The following TRHDE variants were observed in gnomAD, a reference collection of about 807,000 sequenced individuals.
The protein encoded by TRHDE is thyrotropin releasing hormone degrading enzyme, also known as thyrotropin-releasing hormone-degrading ectoenzyme.
A neutral mutation model predicts 125.7 loss-of-function variants in TRHDE; 72 were observed. That is an observed-to-expected ratio of 0.57 (90% CI 0.47 to 0.70). The LOEUF is 0.70. Ranked by LOEUF, TRHDE falls within the 30% of genes least tolerant of loss-of-function variation. The pLI is 0.00. For missense variants in TRHDE, 1,110 were observed against 1,327.1 expected, an observed-to-expected ratio of 0.84 and a Z score of 2.54; for synonymous variants, 509 against 509.1, an observed-to-expected ratio of 1.00 and a Z score of 0.00.
intron 6 of TRHDE, among the ~76,000 whole-genome samples, chr12:72,505,553 A>G (rs927650154): frequency 2.6e-5 from 4 of 152,190 alleles, no homozygotes; most frequent in African/African-American, 9.7e-5. Flanking sequence ...AATAACTTCA[A>G]TTTTAAAGGG....
In TRHDE at chr12:72,372,395, T is replaced by G. The variant is rs1242085426; in HGVS notation, c.1189-5600T>G. On this transcript the variant is annotated intron_variant, in intron 2 of 18. Coordinates refer to ENST00000261180, the MANE Select transcript of TRHDE (RefSeq NM_013381.3). ...GTGTGCAGAAGCTCTTTAGTTTAAT[T>G]AGATCCCATTTGTCAATTTTGGCTT... Among the ~76,000 whole-genome samples, 14 of 152,296 alleles carry G rather than the reference T, an allele frequency of 9.2e-5. 1 individual carries two copies. In the East Asian group the frequency reaches 1.9e-3, roughly 21 times the overall value.
chr12:72,279,675 G>A (rs908972900), intron 1 of TRHDE, among the ~76,000 whole-genome samples: 3 of 152,202 alleles, frequency 2.0e-5, no homozygotes, highest in African/African-American at 7.2e-5. Context: ...CAGTGTGAGG[G>A]TAGAATAAGA....
intron 1 of TRHDE, among the ~76,000 whole-genome samples, chr12:72,103,145 T>C (rs1486638162): frequency 6.6e-6 from 1 of 152,198 alleles, no homozygotes; most frequent in Non-Finnish European, 1.5e-5. Context: ...AGACACAATT[T>C]GAACAATTAG....
At chr12:72,520,575 G>T (rs1170544122) in intron 6 of TRHDE, among the ~76,000 whole-genome samples, 1 of 152,180 alleles carries the variant, frequency 6.6e-6, no homozygotes. Context: ...CGGTACCTCA[G>T]ATGGAAATGC....
At chr12:72,208,690 A>T (rs1017208211) in intron 2 of TRHDE, among the ~76,000 whole-genome samples, 9 of 152,198 alleles carry the variant, frequency 5.9e-5, no homozygotes, top group Non-Finnish European at 1.3e-4. Context: ...TTAAATTAGT[A>T]AATATATGCA....
At chr12:72,425,711 A>C (rs1020294047) in intron 3 of TRHDE, among the ~76,000 whole-genome samples, 3 of 152,108 alleles carry the variant, frequency 2.0e-5, no homozygotes, top group Admixed American at 2.0e-4. Flanking sequence ...GAAAGAAGCA[A>C]CTTAAAAAAA....
intron 2 of TRHDE, among the ~76,000 whole-genome samples, chr12:72,324,814 T>C (rs1282772963): frequency 6.6e-6 from 1 of 152,180 alleles, no homozygotes; most frequent in Non-Finnish European, 1.5e-5. Flanking sequence ...GAAGGAGGCC[T>C]ATGACACCAT....
intron 5 of TRHDE, among the ~76,000 whole-genome samples, chr12:72,485,865 G>C (rs1877380701): frequency 6.6e-6 from 1 of 152,090 alleles, no homozygotes; most frequent in Admixed American, 6.5e-5. Context: ...TGTGGGGAGT[G>C]GTCATTGCTG....
intron 12 of TRHDE, among the ~76,000 whole-genome samples, chr12:72,610,325 T>C (rs1403501191): frequency 6.6e-6 from 1 of 152,224 alleles, no homozygotes; most frequent in African/African-American, 2.4e-5. Flanking sequence ...TTTATGTCAT[T>C]CATTTCACTC....
chr12:72,186,111 A>G (rs1179823311), intron 2 of TRHDE: 3 of 152,434 alleles, frequency 2.0e-5, no homozygotes, highest in Admixed American at 6.5e-5. Flanking sequence ...CCCCTTCCAC[A>G]TTGTGGAAGC....
chr12:72,540,588 T>G (rs1336306872), intron 6 of TRHDE, among the ~76,000 whole-genome samples: 1 of 151,702 alleles, frequency 6.6e-6, no homozygotes, highest in Non-Finnish European at 1.5e-5. Context: ...CAATTCCCAG[T>G]TGGCAATGGT....
intron 1 of TRHDE, among the ~76,000 whole-genome samples, chr12:72,103,923 C>T (rs1031243651): frequency 2.0e-5 from 3 of 152,084 alleles, no homozygotes; most frequent in African/African-American, 7.2e-5. Context: ...TTTCCATACC[C>T]ACTCCAATTA....
chr12:72,427,315 C>A (rs534306188), intron 3 of TRHDE, among the ~76,000 whole-genome samples: 2 of 152,166 alleles, frequency 1.3e-5, no homozygotes, highest in African/African-American at 4.8e-5. Flanking sequence ...TTTCTTCTCC[C>A]CTAGAACTCT....
intron 2 of TRHDE, among the ~76,000 whole-genome samples, chr12:72,312,405 T>G (rs1460452364): frequency 6.6e-6 from 1 of 152,232 alleles, no homozygotes; most frequent in Non-Finnish European, 1.5e-5. Flanking sequence ...ATAATAAATA[T>G]GATGACCTTT....
intron 7 of TRHDE, among the ~76,000 whole-genome samples, chr12:72,556,429 A>C: frequency 6.6e-6 from 1 of 152,236 alleles, no homozygotes; most frequent in East Asian, 1.9e-4. Context: ...AGATGTAGCC[A>C]AGGTTATGCC....
intron 1 of TRHDE, among the ~76,000 whole-genome samples, chr12:72,277,897 A>G (rs1328883791): frequency 6.6e-5 from 10 of 152,160 alleles, no homozygotes; most frequent in Non-Finnish European, 1.5e-4. Context: ...TTTGGAACAA[A>G]TGTAGTTAAT....
intron 7 of TRHDE, among the ~76,000 whole-genome samples, chr12:72,557,333 T>G (rs1869971517): frequency 6.6e-6 from 1 of 152,168 alleles, no homozygotes; most frequent in Admixed American, 6.5e-5. Flanking sequence ...ATAGATGGGG[T>G]GGGACCAAAA....
intron 2 of TRHDE, among the ~76,000 whole-genome samples, chr12:72,372,102 C>T (rs916234191): frequency 2.2e-4 from 33 of 152,078 alleles, no homozygotes; most frequent in Middle Eastern, 6.8e-3. Flanking sequence ...TGTGAGATGG[C>T]ATCTCATTGT....
chr12:72,203,929 C>T (rs1333578973), intron 2 of TRHDE, among the ~76,000 whole-genome samples: 1 of 152,126 alleles, frequency 6.6e-6, no homozygotes, highest in Non-Finnish European at 1.5e-5. Context: ...CCCCGCTTTC[C>T]CAATCATAGC....
Sources: allele counts gnomAD v4.1 joint callset (sites outside exome capture counted in the v4.1 genomes callset), GRCh38; gene constraint gnomAD v4.1.1; transcripts MANE v1.5; gene names NCBI Gene and HGNC (gene_info 2026-07-23, HGNC 2026-07-21).